Variants in CCDC192 observed in about 807,000 individuals in gnomAD.
CCDC192 encodes coiled-coil domain-containing protein 192.
upstream of CCDC192, among the ~76,000 whole-genome samples, chr5:127,702,955 G>A (rs1750766553): frequency 6.6e-6 from 1 of 152,224 alleles, no homozygotes; most frequent in Non-Finnish European, 1.5e-5. Flanking sequence ...GCTTTCATGA[G>A]AATGTGGCCG....
rs1028626028 is a variant in CCDC192, at chr5:127,824,016, T to G, written c.411+25854T>G. ...TGTGCACCTCCACCCAATAGCAAGG[T>G]TTCTAACCATGAAGCACACTCAGGG... On this transcript the variant is annotated intron_variant, in intron 5 of 6. Coordinates refer to ENST00000514853, the MANE Select transcript of CCDC192 (RefSeq NM_001317938.2). 4.6e-5 allele frequency among the ~76,000 whole-genome samples: 7 copies of G among 152,134 alleles called. No homozygotes were observed. The East Asian group carries it at 1.4e-3, about 29-fold the overall frequency.
At chr5:127,719,832 GGC>G (rs1491462447) in intron 2 of CCDC192, among the ~76,000 whole-genome samples, 8,172 of 112,260 alleles carry the variant, frequency 0.073, 601 homozygotes, top group East Asian at 0.33. Flanking sequence ...CAGAGGAAGG[GGC>G]GGGGGAGGTG....
chr5:127,730,816 A>G (rs1752600008), intron 2 of CCDC192, among the ~76,000 whole-genome samples: 2 of 152,246 alleles, frequency 1.3e-5, no homozygotes, highest in African/African-American at 4.8e-5. Flanking sequence ...AAATTTCAAC[A>G]TCACTTTATG....
chr5:127,912,440 A>AAAAAAAAAAAAAAG (rs1753399912), intron 6 of CCDC192, among the ~76,000 whole-genome samples: 1 of 150,600 alleles, frequency 6.6e-6, no homozygotes, highest in Non-Finnish European at 1.5e-5. Context: ...AAAAAAAAAA[A>AAAAAAAAAAAAAAG]TGAAGCTGTA....
At chr5:127,774,808 A>G (rs1755766090) in intron 3 of CCDC192, among the ~76,000 whole-genome samples, 1 of 152,218 alleles carries the variant, frequency 6.6e-6, no homozygotes, top group African/African-American at 2.4e-5. Context: ...CATAATTTTA[A>G]TAGAGATTGC....
chr5:127,761,614 C>G (rs1754933418), intron 3 of CCDC192, among the ~76,000 whole-genome samples: 1 of 152,070 alleles, frequency 6.6e-6, no homozygotes. Context: ...AAACCTAAGG[C>G]CAAATTATTG....
chr5:127,886,369 C>T (rs748075846), intron 6 of CCDC192, among the ~76,000 whole-genome samples: 1 of 152,146 alleles, frequency 6.6e-6, no homozygotes, highest in Non-Finnish European at 1.5e-5. Flanking sequence ...CAGTCACAGA[C>T]TGAACTTGTA....
intron 3 of CCDC192, among the ~76,000 whole-genome samples, chr5:127,760,899 A>G (rs1754883944): frequency 6.6e-6 from 1 of 152,104 alleles, no homozygotes; most frequent in Non-Finnish European, 1.5e-5. Flanking sequence ...CCTGGAATGT[A>G]AGAGGTGGGG....
chr5:127,719,833 G>GGGT (rs113046669), intron 2 of CCDC192, among the ~76,000 whole-genome samples: 7 of 130,220 alleles, frequency 5.4e-5, no homozygotes, highest in African/African-American at 2.0e-4. Flanking sequence ...AGAGGAAGGG[G>GGGT]CGGGGGAGGT....
intron 2 of CCDC192, among the ~76,000 whole-genome samples, chr5:127,752,985 C>T (rs1434199811): frequency 1.3e-5 from 2 of 152,166 alleles, no homozygotes; most frequent in Non-Finnish European, 1.5e-5. Context: ...CGTCGGTGTG[C>T]GCACCCACTG....
chr5:127,908,069 T>A (rs760728350), intron 6 of CCDC192, among the ~76,000 whole-genome samples: 1 of 152,260 alleles, frequency 6.6e-6, no homozygotes, highest in African/African-American at 2.4e-5. Context: ...CCATTAAAGA[T>A]TGGCTTAATG....
intron 3 of CCDC192, among the ~76,000 whole-genome samples, chr5:127,774,377 A>T (rs1226084007): frequency 6.6e-6 from 1 of 152,198 alleles, no homozygotes; most frequent in African/African-American, 2.4e-5. Context: ...ACAGATTTAC[A>T]GTTTGTGCTT....
intron 3 of CCDC192, among the ~76,000 whole-genome samples, chr5:127,763,912 C>T (rs1755069250): frequency 6.6e-6 from 1 of 152,136 alleles, no homozygotes; most frequent in Admixed American, 6.6e-5. Flanking sequence ...CAGTTAGATG[C>T]CATTCCCTCC....
At chr5:127,850,107 T>C (rs767029686) in intron 5 of CCDC192, among the ~76,000 whole-genome samples, 4 of 152,212 alleles carry the variant, frequency 2.6e-5, no homozygotes, top group Non-Finnish European at 4.4e-5. Flanking sequence ...GGATCAGTGC[T>C]GCCGCCTGAA....
chr5:127,759,509 T>C (rs540231080), intron 3 of CCDC192, among the ~76,000 whole-genome samples: 33 of 152,316 alleles, frequency 2.2e-4, no homozygotes, highest in African/African-American at 7.7e-4. Flanking sequence ...CCAGATCTGT[T>C]GGTGCCTTGA....
intron 3 of CCDC192, among the ~76,000 whole-genome samples, chr5:127,755,277 T>C (rs1359282139): frequency 1.3e-5 from 2 of 152,194 alleles, no homozygotes; most frequent in Non-Finnish European, 2.9e-5. Context: ...GTAGTCTCCC[T>C]GTATAGTGAA....
chr5:127,898,839 G>C (rs1409456592), intron 6 of CCDC192, among the ~76,000 whole-genome samples: 2 of 152,144 alleles, frequency 1.3e-5, no homozygotes, highest in Non-Finnish European at 2.9e-5. Flanking sequence ...TCTGTACTTA[G>C]GACAAAAGTA....
chr5:127,816,584 A>T (rs530482138), intron 5 of CCDC192, among the ~76,000 whole-genome samples: 1 of 152,316 alleles, frequency 6.6e-6, no homozygotes, highest in African/African-American at 2.4e-5. Flanking sequence ...GTAGCTTCCC[A>T]CTGCTGTATA....
chr5:127,785,952 A>T, intron 3 of CCDC192: 1 of 522,194 alleles, frequency 1.9e-6, no homozygotes, highest in Non-Finnish European at 3.6e-6. Flanking sequence ...CCTTCTGTAC[A>T]TACATTTTGG....
Sources: allele counts gnomAD v4.1 joint callset (sites outside exome capture counted in the v4.1 genomes callset), GRCh38; gene constraint gnomAD v4.1.1; transcripts MANE v1.5; gene names NCBI Gene and HGNC (gene_info 2026-07-23, HGNC 2026-07-21).